Variants in PPP3CC observed in about 807,000 individuals in gnomAD.
The protein encoded by PPP3CC is protein phosphatase 3 catalytic subunit gamma, also known as serine/threonine-protein phosphatase 2B catalytic subunit gamma isoform.
PPP3CC carries 35 observed loss-of-function variants against 60.3 expected under a neutral mutation model. The ratio of observed to expected loss-of-function variants is 0.58; its 90% CI spans 0.44 to 0.77. The LOEUF is 0.77. Ranked by LOEUF, PPP3CC falls within the 30% of genes least tolerant of loss-of-function variation. The pLI is 0.00. For synonymous variants in PPP3CC, 206 were observed against 224.3 expected (o/e 0.92, Z 0.73); for missense variants, 570 against 628.9 (o/e 0.91, Z 1.00).
At chr8:22,534,213 ACAAAC>A (rs1034215214) in intron 12 of PPP3CC, among the ~76,000 whole-genome samples, 5 of 150,732 alleles carry the variant, frequency 3.3e-5, no homozygotes, top group African/African-American at 1.2e-4. Flanking sequence ...AAAAAAAAAA[ACAAAC>A]ACCACAGTGA....
At chr8:22,441,656 T>TG (rs1836675562) in intron 1 of PPP3CC, among the ~76,000 whole-genome samples, 198 bp downstream of exon 1, 2 of 151,902 alleles carry the variant, frequency 1.3e-5, no homozygotes, top group African/African-American at 4.8e-5. Flanking sequence ...GTCAGGTGCC[T>TG]GGCCGTCAGT....
At chr8:22,524,081 GA>G in intron 8 of PPP3CC, among the ~76,000 whole-genome samples, 1 of 152,148 alleles carries the variant, frequency 6.6e-6, no homozygotes, top group Middle Eastern at 3.4e-3. Flanking sequence ...TTGGAATAAG[GA>G]AAATGGATAT....
chr8:22,462,466 C>G (rs536573321), intron 1 of PPP3CC, among the ~76,000 whole-genome samples: 1 of 152,310 alleles, frequency 6.6e-6, no homozygotes, highest in East Asian at 1.9e-4. Context: ...GGTGATCAAT[C>G]AAGATTTCAA....
intron 9 of PPP3CC, 25 bp from the exon 10 acceptor site, chr8:22,528,480 AT>A: frequency 6.8e-7 from 1 of 1,465,564 alleles, no homozygotes; most frequent in Non-Finnish European, 9.2e-7. Flanking sequence ...AATCGCGTAA[AT>A]TTTGGATTAT....
intron 1 of PPP3CC, among the ~76,000 whole-genome samples, chr8:22,472,857 A>G (rs1586808885): frequency 6.6e-6 from 1 of 151,926 alleles, no homozygotes. Flanking sequence ...TCAGCTTTGC[A>G]TTCCTATTCC....
chr8:22,474,484 A>G (rs182401040), intron 1 of PPP3CC, among the ~76,000 whole-genome samples: 50 of 152,084 alleles, frequency 3.3e-4, no homozygotes, highest in Non-Finnish European at 4.3e-4. Flanking sequence ...CAGGTGGATC[A>G]CCTGAGGTCA....
At chr8:22,465,528 C>A (rs1445406256) in intron 1 of PPP3CC, among the ~76,000 whole-genome samples, 1 of 152,132 alleles carries the variant, frequency 6.6e-6, no homozygotes, top group Non-Finnish European at 1.5e-5. Flanking sequence ...CATGAAGCCA[C>A]CTCTAATGAA....
At chr8:22,466,009 C>G (rs897716109) in intron 1 of PPP3CC, among the ~76,000 whole-genome samples, 2 of 152,096 alleles carry the variant, frequency 1.3e-5, no homozygotes, top group Non-Finnish European at 2.9e-5. Flanking sequence ...TCCGACCAGC[C>G]CCAGTGTGTG....
intron 3 of PPP3CC, among the ~76,000 whole-genome samples, chr8:22,484,912 A>G (rs558047669): frequency 5.8e-4 from 89 of 152,314 alleles, no homozygotes; most frequent in African/African-American, 1.9e-3. Context: ...AAAGCTCTAG[A>G]GAGGAAAGTG....
intron 1 of PPP3CC, among the ~76,000 whole-genome samples, chr8:22,458,805 A>G (rs1837282731): frequency 6.6e-6 from 1 of 152,012 alleles, no homozygotes. Context: ...TGAATTGTAA[A>G]TCTCCCCAAC....
At chr8:22,483,972 G>T (rs1445040672) in intron 3 of PPP3CC, among the ~76,000 whole-genome samples, 7 of 151,832 alleles carry the variant, frequency 4.6e-5, no homozygotes, top group African/African-American at 1.7e-4. Flanking sequence ...ACCCCAATTA[G>T]CTAGGACTAC....
chr8:22,492,217 T>C (rs1009016832), intron 3 of PPP3CC, among the ~76,000 whole-genome samples: 2 of 151,418 alleles, frequency 1.3e-5, no homozygotes, highest in African/African-American at 4.9e-5. Context: ...TGTCTAAACA[T>C]ATCTAGATGT....
intron 1 of PPP3CC, among the ~76,000 whole-genome samples, chr8:22,451,996 G>T (rs1837044215): frequency 6.7e-6 from 1 of 149,214 alleles, no homozygotes. Context: ...CTGTGAATGG[G>T]CTCTTTGCTT....
At chr8:22,485,556 C>T (rs913429545) in intron 3 of PPP3CC, among the ~76,000 whole-genome samples, 7 of 152,212 alleles carry the variant, frequency 4.6e-5, no homozygotes, top group Admixed American at 2.6e-4. Flanking sequence ...TTGCAGAAGC[C>T]GTTAGAGGAG....
chr8:22,493,038 C>T, intron 3 of PPP3CC: 1 of 1,377,896 alleles, frequency 7.3e-7, no homozygotes, highest in Non-Finnish European at 1.0e-6. Context: ...CGATGAAGTT[C>T]CAGCTCTTGT....
At chr8:22,531,294 C>A in intron 10 of PPP3CC, 2 of 1,530,360 alleles carry the variant, frequency 1.3e-6, no homozygotes, top group Non-Finnish European at 1.8e-6. Context: ...TGTTTCTTCT[C>A]CCTGAAGATC....
chr8:22,450,799 TTTTATTTA>T (rs199665510), intron 1 of PPP3CC, among the ~76,000 whole-genome samples: 17,910 of 133,066 alleles, frequency 0.13, 1,272 homozygotes, highest in Admixed American at 0.18. Context: ...CCTACTTTAT[TTTTATTTA>T]TTTATTTATT....
At chr8:22,478,266 C>T (rs893290091) in intron 3 of PPP3CC, among the ~76,000 whole-genome samples, 1 of 151,608 alleles carries the variant, frequency 6.6e-6, no homozygotes, top group African/African-American at 2.4e-5. Context: ...AGTTCTCTGC[C>T]TCTGCCTCCT....
intron 3 of PPP3CC, among the ~76,000 whole-genome samples, chr8:22,494,986 G>C (rs976716553): frequency 1.3e-5 from 2 of 152,116 alleles, no homozygotes; most frequent in African/African-American, 4.8e-5. Context: ...CCGTCACCCA[G>C]GTTGGAGTGC....
Sources: gnomAD v4.1 joint callset for allele counts (sites outside exome capture counted in the v4.1 genomes callset) on GRCh38, gnomAD v4.1.1 for gene constraint, MANE v1.5 for transcripts, NCBI Gene and HGNC (gene_info 2026-07-23, HGNC 2026-07-21) for gene names.